Variants in KLHL13 observed in about 807,000 individuals in gnomAD.
KLHL13 encodes the protein kelch-like protein 13.
A neutral mutation model predicts 37.1 loss-of-function variants in KLHL13; 10 were observed. That is an observed-to-expected ratio of 0.27 (90% confidence interval 0.17 to 0.46). The LOEUF is 0.46. KLHL13 is among the 20% of genes least tolerant of loss of function. The pLI is 1.00. For synonymous variants in KLHL13, 163 were observed against 181.2 expected (o/e 0.90, Z 0.81); for missense variants, 360 against 509.3 (o/e 0.71, Z 2.82).
intron 1 of KLHL13, among the ~76,000 whole-genome samples, chrX:118,009,186 C>T (rs1007815600): frequency 1.0e-5 from 1 of 99,005 alleles, no homozygotes; most frequent in African/African-American, 3.7e-5. Flanking sequence ...AAAATTTTCT[C>T]CCATTTTGTA....
intron 4 of KLHL13, among the ~76,000 whole-genome samples, chrX:117,918,412 T>C (rs1352773798): frequency 9.0e-6 from 1 of 111,641 alleles, no homozygotes; most frequent in Non-Finnish European, 1.9e-5. Flanking sequence ...AAATGTAAGT[T>C]GTAAAGATCT....
exon 7 of KLHL13, chrX:117,898,662 CT>C (rs975433802): frequency 1.5e-4 from 49 of 331,591 alleles, no homozygotes; most frequent in Middle Eastern, 8.0e-4. Flanking sequence ...ATAGACAATA[CT>C]TTTTTTTTCA....
chrX:117,915,546 T>A (rs1218197629), intron 4 of KLHL13, among the ~76,000 whole-genome samples: 1 of 111,917 alleles, frequency 8.9e-6, no homozygotes, highest in Non-Finnish European at 1.9e-5. Flanking sequence ...AAAAAATTAT[T>A]TTAAGAAAGA....
chrX:117,972,929 G>T, exon 1 of KLHL13: 5 of 1,115,394 alleles, frequency 4.5e-6, no homozygotes, highest in Non-Finnish European at 4.7e-6. Flanking sequence ...AGTGGCTGCC[G>T]CGGAGAACAA....
intron 1 of KLHL13, among the ~76,000 whole-genome samples, chrX:118,094,265 C>T (rs1053773169): frequency 2.4e-4 from 27 of 110,456 alleles, no homozygotes; most frequent in Non-Finnish European, 3.8e-4. Context: ...GTAGCCGATG[C>T]GATCAAATGG....
intron 1 of KLHL13, among the ~76,000 whole-genome samples, chrX:118,089,086 T>TAC (rs893888107): frequency 9.0e-6 from 1 of 111,622 alleles, no homozygotes; most frequent in African/African-American, 3.3e-5. Context: ...ATAATTACTC[T>TAC]ACTCCAGCTA....
chrX:117,899,787 G>T (rs1392031581), intron 6 of KLHL13, among the ~76,000 whole-genome samples: 1 of 111,912 alleles, frequency 8.9e-6, no homozygotes, highest in African/African-American at 3.2e-5. Flanking sequence ...TCTGGGTACT[G>T]AGCACTGGGC....
chrX:118,011,612 G>T (rs1035960764), intron 1 of KLHL13, among the ~76,000 whole-genome samples: 1 of 111,256 alleles, frequency 9.0e-6, no homozygotes, highest in African/African-American at 3.3e-5. Context: ...AGGAGAAGTG[G>T]ACTTAGAGAC....
chrX:118,024,809 T>C (rs1291793548), intron 1 of KLHL13, among the ~76,000 whole-genome samples: 1 of 112,113 alleles, frequency 8.9e-6, no homozygotes, highest in Non-Finnish European at 1.9e-5. Flanking sequence ...AAACGTTTGG[T>C]AGTTTCTACA....
chrX:118,085,796 GGTGTGT>G (rs4025518), intron 1 of KLHL13, among the ~76,000 whole-genome samples: 4,388 of 85,548 alleles, frequency 0.051, 144 homozygotes, highest in African/African-American at 0.11. Flanking sequence ...AATATTCCAT[GGTGTGT>G]GTGTGTGTGT....
chrX:117,985,447 T>TA (rs555339137), intron 1 of KLHL13: 77,579 of 554,815 alleles, frequency 0.14, 267 homozygotes, highest in African/African-American at 0.18. Flanking sequence ...TTTATATATT[T>TA]AAAAAAAAAA....
At chrX:118,105,307 A>G (rs184704438) in intron 1 of KLHL13, among the ~76,000 whole-genome samples, 63 of 112,471 alleles carry the variant, frequency 5.6e-4, no homozygotes, top group African/African-American at 2.0e-3. Flanking sequence ...TGTCAGAGAT[A>G]GCATGAAAGG....
chrX:117,903,186 G>C (rs1269820230), intron 5 of KLHL13, among the ~76,000 whole-genome samples: 5 of 97,199 alleles, frequency 5.1e-5, no homozygotes, highest in Non-Finnish European at 1.0e-4. Flanking sequence ...GAGCGAGAGA[G>C]AGAGAGAGAG....
In KLHL13 at chrX:117,983,756, T is replaced by C. The variant is rs185851820; in HGVS notation, c.-55-38181A>G. Reference sequence around the variant, plus strand: ...CTAGAAAGCCATAAGATCCTATTTGTTTTTAGAAGCTTTCTTAATGTCTCA... The same window carrying C: ...CTAGAAAGCCATAAGATCCTATTTGCTTTTAGAAGCTTTCTTAATGTCTCA... On this transcript the variant is annotated intron_variant, in intron 1 of 6. Transcript: ENST00000371882. 1.5e-3 allele frequency among the ~76,000 whole-genome samples: 170 copies of C among 111,894 alleles called. 2 individuals are homozygous for C. Among genetic ancestry groups the C allele is most frequent in the African/African-American group, 5.3e-3 (165 of 30,864 alleles).
At chrX:117,939,895 T>C (rs760811124) in intron 2 of KLHL13, among the ~76,000 whole-genome samples, 1 of 111,827 alleles carries the variant, frequency 8.9e-6, no homozygotes, top group African/African-American at 3.2e-5. Flanking sequence ...GTAGGATTCC[T>C]GTACACTCTG....
chrX:117,964,948 T>C (rs2053390717), intron 1 of KLHL13, among the ~76,000 whole-genome samples: 4 of 111,968 alleles, frequency 3.6e-5, no homozygotes, highest in African/African-American at 1.3e-4. Flanking sequence ...TAGTATTCCA[T>C]GGTGTATATG....
At chrX:117,956,488 G>A (rs939082188) in intron 1 of KLHL13, among the ~76,000 whole-genome samples, 1 of 111,885 alleles carries the variant, frequency 8.9e-6, no homozygotes, top group Admixed American at 9.5e-5. Context: ...TCATTTAAAT[G>A]GGAATTTTAA....
chrX:117,901,253 T>C (rs1930071489), intron 6 of KLHL13, among the ~76,000 whole-genome samples: 1 of 111,588 alleles, frequency 9.0e-6, no homozygotes, highest in East Asian at 2.8e-4. Flanking sequence ...TCACATAGTT[T>C]AGCTAAATCT....
intron 1 of KLHL13, among the ~76,000 whole-genome samples, chrX:117,962,885 C>T (rs1042546261): frequency 2.7e-5 from 3 of 111,558 alleles, no homozygotes; most frequent in Non-Finnish European, 5.7e-5. Flanking sequence ...TGTCCTTATT[C>T]GTAAAATAGT....
Sources: allele counts gnomAD v4.1 joint callset (sites outside exome capture counted in the v4.1 genomes callset), GRCh38; gene constraint gnomAD v4.1.1; transcripts MANE v1.5; gene names NCBI Gene and HGNC (gene_info 2026-07-23, HGNC 2026-07-21).